NTM: variants seen among roughly 807,000 people sequenced by gnomAD.
The protein encoded by NTM is neurotrimin, also known as IgLON family member 2.
Under a neutral mutation model 42.1 loss-of-function variants are expected in NTM, and 13 were observed. The observed-to-expected ratio is 0.31, with a 90% CI of 0.20 to 0.49. The LOEUF is 0.49. NTM is among the 20% of genes least tolerant of loss of function. The pLI is 0.99. For synonymous variants in NTM, 187 were observed against 179.2 expected (o/e 1.04, Z -0.35); for missense variants, 373 against 452.8 (o/e 0.82, Z 1.60).
intron 3 of NTM, among the ~76,000 whole-genome samples, chr11:132,148,756 G>A (rs758948799): frequency 1.3e-5 from 2 of 152,156 alleles, no homozygotes; most frequent in African/African-American, 4.8e-5. Context: ...TAGAATTAGA[G>A]CCAGGTGATC....
intron 1 of NTM, among the ~76,000 whole-genome samples, chr11:131,470,773 C>T (rs977475145): frequency 2.0e-5 from 3 of 152,122 alleles, no homozygotes; most frequent in Non-Finnish European, 4.4e-5. Flanking sequence ...ATCAAAGGTC[C>T]TGAGGGGAAG....
At chr11:131,411,503 T>C (rs1051991914) in intron 1 of NTM, among the ~76,000 whole-genome samples, 3 of 149,094 alleles carry the variant, frequency 2.0e-5, no homozygotes, top group African/African-American at 7.4e-5. Context: ...ACTAAGGGGA[T>C]GGAGAGAAAA....
At chr11:132,075,496 A>C (rs921721716) in intron 2 of NTM, among the ~76,000 whole-genome samples, 1 of 137,064 alleles carries the variant, frequency 7.3e-6, no homozygotes, top group African/African-American at 2.9e-5. Context: ...TTCTAAGGTT[A>C]GCAAACATTT....
chr11:131,576,183 C>T (rs879411150), intron 1 of NTM, among the ~76,000 whole-genome samples: 1 of 152,156 alleles, frequency 6.6e-6, no homozygotes, highest in Non-Finnish European at 1.5e-5. Context: ...AATAACAGCT[C>T]GCCCCTGAAG....
chr11:131,794,260 T>A (rs527578831), intron 1 of NTM, among the ~76,000 whole-genome samples: 136 of 152,290 alleles, frequency 8.9e-4, no homozygotes, highest in Non-Finnish European at 1.6e-3. Context: ...GCAGTCACAC[T>A]GCTGTTTTGA....
At chr11:131,461,711 A>T (rs894025221) in intron 1 of NTM, among the ~76,000 whole-genome samples, 12 of 150,122 alleles carry the variant, frequency 8.0e-5, no homozygotes, top group Non-Finnish European at 1.3e-4. Context: ...CCACAAAAAA[A>T]GATAACTCTG....
At chr11:131,952,649 T>A (rs2061143405) in intron 2 of NTM, among the ~76,000 whole-genome samples, 1 of 152,214 alleles carries the variant, frequency 6.6e-6, no homozygotes, top group South Asian at 2.1e-4. Flanking sequence ...CTTTGAGAGA[T>A]CTAGACAGTG....
At chr11:132,270,050 G>A (rs369248821) in intron 4 of NTM, among the ~76,000 whole-genome samples, 18 of 152,094 alleles carry the variant, frequency 1.2e-4, no homozygotes, top group South Asian at 6.2e-4. Flanking sequence ...TCTCCTCAGC[G>A]TCCTACTCCA....
At chr11:131,997,652 CCTTTTT>C (rs2068326021) in intron 2 of NTM, among the ~76,000 whole-genome samples, 1 of 152,164 alleles carries the variant, frequency 6.6e-6, no homozygotes, top group Non-Finnish European at 1.5e-5. Context: ...ATTTTCTTTT[CCTTTTT>C]ATCTTTTCGC....
chr11:132,007,199 T>G (rs560310281), intron 2 of NTM, among the ~76,000 whole-genome samples: 1 of 152,220 alleles, frequency 6.6e-6, no homozygotes, highest in Non-Finnish European at 1.5e-5. Context: ...ATCCTGACTG[T>G]TACAGAGTCT....
intron 2 of NTM, among the ~76,000 whole-genome samples, chr11:132,126,383 C>T (rs1007763133): frequency 6.6e-6 from 1 of 152,122 alleles, no homozygotes; most frequent in Non-Finnish European, 1.5e-5. Flanking sequence ...GTTCCTTCTA[C>T]TTTTTTTCCT....
chr11:131,774,134 C>T (rs1192107434), intron 1 of NTM: 2 of 984,766 alleles, frequency 2.0e-6, no homozygotes, highest in Non-Finnish European at 2.4e-6. Context: ...TCAGCGAATT[C>T]TTCATAAATG....
intron 4 of NTM, among the ~76,000 whole-genome samples, chr11:132,234,480 A>G (rs981892853): frequency 6.6e-6 from 1 of 152,094 alleles, no homozygotes; most frequent in African/African-American, 2.4e-5. Context: ...ATCTCTCTGT[A>G]GCAAAAGTTT....
chr11:131,802,248 A>G (rs1195774036), intron 1 of NTM, among the ~76,000 whole-genome samples: 1 of 152,192 alleles, frequency 6.6e-6, no homozygotes, highest in East Asian at 1.9e-4. Context: ...AAATTCTCCC[A>G]TTTAGAATTA....
intron 1 of NTM, among the ~76,000 whole-genome samples, chr11:131,525,606 C>G (rs992676668): frequency 1.3e-5 from 2 of 152,158 alleles, no homozygotes; most frequent in Non-Finnish European, 2.9e-5. Context: ...AGGTGGCGCT[C>G]TCTTCACTGT....
intron 1 of NTM, among the ~76,000 whole-genome samples, chr11:131,743,113 C>T (rs1346559136): frequency 6.6e-6 from 1 of 152,114 alleles, no homozygotes; most frequent in Non-Finnish European, 1.5e-5. Flanking sequence ...ATGCCATTGT[C>T]TCAACAAAAG....
chr11:132,051,003 G>A (rs776279537), intron 2 of NTM, among the ~76,000 whole-genome samples: 8 of 152,222 alleles, frequency 5.3e-5, no homozygotes, highest in Non-Finnish European at 1.0e-4. Flanking sequence ...TGGAAAGGAT[G>A]TCTTGGTGCC....
At chr11:131,529,768 C>T (rs975304053) in intron 1 of NTM, among the ~76,000 whole-genome samples, 1 of 152,234 alleles carries the variant, frequency 6.6e-6, no homozygotes, top group Non-Finnish European at 1.5e-5. Context: ...GATACCTCCC[C>T]TGTACCTAAT....
chr11:131,982,316 C>G (rs140797898), intron 2 of NTM, among the ~76,000 whole-genome samples: 4 of 151,450 alleles, frequency 2.6e-5, no homozygotes, highest in South Asian at 2.1e-4. Flanking sequence ...TTCTTTGTTA[C>G]GAAGATCAAG....
Sources: gnomAD v4.1 joint callset for allele counts (sites outside exome capture counted in the v4.1 genomes callset) on GRCh38, gnomAD v4.1.1 for gene constraint, MANE v1.5 for transcripts, NCBI Gene and HGNC (gene_info 2026-07-23, HGNC 2026-07-21) for gene names.